Variants in KANK1 observed in about 807,000 individuals in gnomAD.
KANK1 encodes KN motif and ankyrin repeat domain-containing protein 1.
KANK1 carries 109 observed loss-of-function variants against 106.2 expected under a neutral mutation model. The ratio of observed to expected loss-of-function variants is 1.03; its 90% CI spans 0.88 to 1.20. KANK1 has a LOEUF of 1.20. Among genes scored for constraint, KANK1 ranks in the 50% most tolerant of loss-of-function variants. KANK1 has a pLI of 0.00. For synonymous variants in KANK1, 873 were observed against 652.2 expected (o/e 1.34, Z -5.16); for missense variants, 2,399 against 1,710.7 (o/e 1.40, Z -7.10).
chr9:515,679 A>C (rs1010259892), intron 1 of KANK1, among the ~76,000 whole-genome samples: 1 of 151,828 alleles, frequency 6.6e-6, no homozygotes, highest in Non-Finnish European at 1.5e-5. Flanking sequence ...ATCATGTTCT[A>C]TAGTTTCCAG....
intron 2 of KANK1, among the ~76,000 whole-genome samples, chr9:702,840 C>T: frequency 6.6e-6 from 1 of 152,174 alleles, no homozygotes. Context: ...GCAGCACCAA[C>T]AGGTTCTGTC....
intron 1 of KANK1, among the ~76,000 whole-genome samples, chr9:650,046 A>G (rs1588572372): frequency 6.6e-6 from 1 of 152,164 alleles, no homozygotes; most frequent in Non-Finnish European, 1.5e-5. Flanking sequence ...AATCCCCAAT[A>G]TAATAGAATA....
chr9:630,473 C>G (rs991594591), intron 1 of KANK1, among the ~76,000 whole-genome samples: 1 of 150,894 alleles, frequency 6.6e-6, no homozygotes, highest in Non-Finnish European at 1.5e-5. Flanking sequence ...ATGGCGTAAA[C>G]CCGGGAGGCG....
At chr9:518,726 T>A (rs1353688781) in intron 1 of KANK1, among the ~76,000 whole-genome samples, 3 of 151,330 alleles carry the variant, frequency 2.0e-5, no homozygotes, top group Non-Finnish European at 4.4e-5. Flanking sequence ...TACTTTAGGC[T>A]AGAGGAGCGG....
At chr9:673,313 G>T (rs1323009207) in intron 1 of KANK1, among the ~76,000 whole-genome samples, 1 of 147,314 alleles carries the variant, frequency 6.8e-6, no homozygotes, top group Non-Finnish European at 1.5e-5. Flanking sequence ...CTGTTCAAGT[G>T]ATTCTTGTGC....
intron 3 of KANK1, among the ~76,000 whole-genome samples, chr9:714,547 AG>A (rs544897094): frequency 1.3e-5 from 2 of 152,010 alleles, no homozygotes; most frequent in South Asian, 4.2e-4. Context: ...TAGTAGAGAT[AG>A]GGTTTCACCA....
At chr9:628,225 C>G (rs1023518984) in intron 1 of KANK1, among the ~76,000 whole-genome samples, 4 of 152,194 alleles carry the variant, frequency 2.6e-5, no homozygotes, top group Non-Finnish European at 4.4e-5. Context: ...CGTCTTCAAC[C>G]TGCTCCTGGC....
chr9:693,695 TA>T, intron 2 of KANK1: 1 of 985,386 alleles, frequency 1.0e-6, no homozygotes, highest in East Asian at 1.1e-4. Flanking sequence ...CTTTGCCTGC[TA>T]ATGTGTGGAG....
rs1370369535 is a variant in KANK1, at chr9:712,885, A to G, written c.2119A>G (p.Thr707Ala). Residue 707 changes from threonine to alanine, a missense_variant, in exon 3 of 12, where the codon ACC becomes GCC. Physicochemically the swap from Thr to Ala is moderately conservative, Grantham distance 58. Transcript: ENST00000382297. ...TTGTCTAAGCACTTTGGACAAGCAG[A>G]CCAGCACCCAGACTGTGGAGACGCG... The part of the protein sequence containing the change: ...NTCLSTLDKQ[T>A]STQTVETRTV... 1 of 1,613,832 alleles carries G rather than the reference A, an allele frequency of 6.2e-7. No individual in the cohort carries two copies. Among genetic ancestry groups the G allele is most frequent in the African/African-American group, 1.3e-5 (1 of 74,866 alleles).
At chr9:707,321 C>A in intron 2 of KANK1, 2 of 794,914 alleles carry the variant, frequency 2.5e-6, no homozygotes, top group Non-Finnish European at 3.1e-6. Flanking sequence ...GGGGGGCCGG[C>A]CGGGAAGGTG....
intron 1 of KANK1, among the ~76,000 whole-genome samples, chr9:655,618 T>C (rs1809712709): frequency 6.6e-6 from 1 of 152,152 alleles, no homozygotes; most frequent in Admixed American, 6.5e-5. Context: ...CTGCTAAGAT[T>C]GCCCAGGGGT....
chr9:529,602 G>C (rs2059968968), intron 1 of KANK1, among the ~76,000 whole-genome samples: 1 of 151,974 alleles, frequency 6.6e-6, no homozygotes, highest in Admixed American at 6.6e-5. Context: ...TTTTTTCATA[G>C]AACCATGTGT....
intron 1 of KANK1, among the ~76,000 whole-genome samples, chr9:586,579 C>T (rs1315837898): frequency 1.3e-5 from 2 of 152,076 alleles, no homozygotes; most frequent in African/African-American, 4.8e-5. Context: ...CTGCCATTAA[C>T]AGTTTTAGGA....
intron 3 of KANK1, among the ~76,000 whole-genome samples, chr9:715,878 A>T (rs80204242): frequency 6.6e-6 from 1 of 152,322 alleles, no homozygotes; most frequent in Admixed American, 6.5e-5. Context: ...TGGACTGAAA[A>T]TTAAAGCAAC....
At chr9:586,172 A>G (rs922662322) in intron 1 of KANK1, among the ~76,000 whole-genome samples, 1 of 152,230 alleles carries the variant, frequency 6.6e-6, no homozygotes, top group Non-Finnish European at 1.5e-5. Flanking sequence ...TTGAGCAGAC[A>G]TACTTGTCTA....
intron 1 of KANK1, among the ~76,000 whole-genome samples, chr9:596,630 T>G (rs1001319241): frequency 2.6e-5 from 4 of 151,818 alleles, no homozygotes; most frequent in African/African-American, 9.7e-5. Flanking sequence ...TACCACTGTC[T>G]CGTTATGTCA....
chr9:609,086 C>G (rs984145448), intron 1 of KANK1, among the ~76,000 whole-genome samples: 1 of 151,620 alleles, frequency 6.6e-6, no homozygotes, highest in African/African-American at 2.4e-5. Context: ...GGGAAGAAGA[C>G]TTGACCCCTA....
At chr9:652,637 A>G (rs1588595472) in intron 1 of KANK1, among the ~76,000 whole-genome samples, 1 of 152,234 alleles carries the variant, frequency 6.6e-6, no homozygotes, top group East Asian at 1.9e-4. Flanking sequence ...TAAAAGAGAG[A>G]TGTGGTTGTT....
intron 1 of KANK1, among the ~76,000 whole-genome samples, chr9:634,969 C>A (rs1335619263): frequency 6.6e-6 from 1 of 152,192 alleles, no homozygotes; most frequent in Non-Finnish European, 1.5e-5. Context: ...GACAGGGCAT[C>A]TTGTGGCTCT....
Sources: allele counts gnomAD v4.1 joint callset (sites outside exome capture counted in the v4.1 genomes callset), GRCh38; gene constraint gnomAD v4.1.1; transcripts MANE v1.5; gene names NCBI Gene and HGNC (gene_info 2026-07-23, HGNC 2026-07-21).